Variants in WDFY2 observed in about 807,000 individuals in gnomAD.
WDFY2 encodes WD repeat and FYVE domain-containing protein 2.
In WDFY2, 36 loss-of-function variants were observed where a neutral mutation model predicts 56.4. The observed-to-expected ratio is 0.64, with a 90% CI of 0.49 to 0.84. WDFY2 has a LOEUF of 0.84. Ranked by LOEUF, WDFY2 falls within the 40% of genes least tolerant of loss-of-function variation. The probability of loss-of-function intolerance (pLI) is 0.00; values close to 1 mark genes in which losing one functional copy is unlikely to be tolerated. For missense variants in WDFY2, 444 were observed against 512.2 expected (o/e 0.87, Z 1.29); for synonymous variants, 176 against 183.7 (o/e 0.96, Z 0.34).
intron 2 of WDFY2, among the ~76,000 whole-genome samples, chr13:51,667,508 A>G (rs745832451): frequency 2.6e-5 from 4 of 152,124 alleles, no homozygotes; most frequent in Non-Finnish European, 5.9e-5. Flanking sequence ...ATGTGGGTAT[A>G]TTAGTGGTAT....
chr13:51,645,828 G>A (rs1466269805), intron 1 of WDFY2, among the ~76,000 whole-genome samples: 1 of 152,054 alleles, frequency 6.6e-6, no homozygotes, highest in Non-Finnish European at 1.5e-5. Context: ...ATATGCTGAT[G>A]TCTCCCAAAT....
At chr13:51,695,015 C>A (rs1213219003) in intron 3 of WDFY2, among the ~76,000 whole-genome samples, 1 of 152,200 alleles carries the variant, frequency 6.6e-6, no homozygotes, top group East Asian at 1.9e-4. Flanking sequence ...GTTCTCAAGC[C>A]TTGGCTTTCA....
At chr13:51,610,030 A>G (rs965472390) in intron 1 of WDFY2, among the ~76,000 whole-genome samples, 9 of 152,150 alleles carry the variant, frequency 5.9e-5, no homozygotes, top group African/African-American at 2.2e-4. Flanking sequence ...ACCCAAGTCC[A>G]GAGGGTAGCG....
At chr13:51,642,917 C>T (rs1307904479) in intron 1 of WDFY2, among the ~76,000 whole-genome samples, 1 of 152,012 alleles carries the variant, frequency 6.6e-6, no homozygotes, top group Non-Finnish European at 1.5e-5. Flanking sequence ...ACCTCGTGAT[C>T]CGCTCACCTT....
rs145485453 is a variant in WDFY2 at position 51,639,226 on chromosome 13, A to G, written c.138-21370A>G. ...TCAAGGAACATTGATGCACAATTCT[A>G]TAGAAGCTTATGGGAAAGGCTCAAT... On this transcript the variant is annotated intron_variant, in intron 1 of 11. Coordinates refer to ENST00000298125, the MANE Select transcript of WDFY2 (RefSeq NM_052950.4). 1.0e-3 allele frequency among the ~76,000 whole-genome samples: 153 copies of G among 152,338 alleles called. 1 individual carries two copies. Among genetic ancestry groups the G allele is most frequent in the Non-Finnish European group, 1.5e-3 (103 of 68,018 alleles).
At chr13:51,700,021 A>G (rs1951950442) in intron 3 of WDFY2, among the ~76,000 whole-genome samples, 1 of 152,254 alleles carries the variant, frequency 6.6e-6, no homozygotes, top group Non-Finnish European at 1.5e-5. Context: ...CTTCTGGAAA[A>G]TAGTGCTCTG....
rs548861711 is a variant in WDFY2, at chr13:51,763,046, A to G, written c.*3277A>G. ...GTTTTAATTATTTCCAGAAATCATAAAGTCACAAAACTGGAAGGGATCTTC... is the reference window on the plus strand; with the variant it reads ...GTTTTAATTATTTCCAGAAATCATAGAGTCACAAAACTGGAAGGGATCTTC... On this transcript the variant is annotated 3_prime_UTR_variant, in exon 12 of 12. Transcript: ENST00000298125. 12 of 152,336 alleles carry G rather than the reference A, an allele frequency of 7.9e-5. No homozygotes were observed. The South Asian group carries it at 2.1e-3, about 26-fold the overall frequency. 9.4% of individuals were successfully genotyped at this position (152,336 alleles called of 1,614,324 possible). A position where few individuals can be genotyped will look rare whatever the true frequency, so the allele number is the denominator to read the frequency against.
rs1189021521 is a variant in WDFY2 at position 51,762,614 on chromosome 13, A to T, written c.*2845A>T. The T allele has an allele frequency of 6.6e-6, 1 of 152,222 alleles. No individual in the cohort carries two copies. Among genetic ancestry groups the T allele is most frequent in the African/African-American group, 2.4e-5 (1 of 41,450 alleles). The allele number at this position is 152,222 out of a possible 1,614,324, so 9.4% of individuals were successfully genotyped here. ...TATGTGCTGGTGTTGGGTGTCTTCC[A>T]AGCATTTTATGGAAATGGAGGCTCC... On this transcript the variant is annotated 3_prime_UTR_variant, in exon 12 of 12. Transcript: ENST00000298125.
chr13:51,619,641 T>G (rs972841145), intron 1 of WDFY2, among the ~76,000 whole-genome samples: 1 of 152,198 alleles, frequency 6.6e-6, no homozygotes, highest in African/African-American at 2.4e-5. Context: ...AAATAAGTCC[T>G]GTTAAAAGAA....
chr13:51,584,692 C>T lies in WDFY2; in HGVS notation c.5C>T (p.Ala2Val), dbSNP rs1185702959. The T allele has an allele frequency of 6.8e-6, 11 of 1,610,948 alleles. No homozygotes were observed. Among genetic ancestry groups the T allele is most frequent in the East Asian group, 2.2e-5 (1 of 44,784 alleles). M[A>V]AEIQPKPLTR... ...CCAGGCGCGCCCCCTCCTCCGATGG[C>T]GGCGGAGATCCAGCCCAAGCCTCTG... is the stretch of plus-strand genomic sequence containing the variant. Residue 2 changes from alanine (A) to valine (V), a missense_variant, in exon 1 of 12, where the codon GCG becomes GTG. Physicochemically the swap from Ala to Val is moderately conservative, Grantham distance 64. Transcript: ENST00000298125.
chr13:51,651,718 G>A (rs989002092), intron 1 of WDFY2, among the ~76,000 whole-genome samples: 7 of 152,246 alleles, frequency 4.6e-5, no homozygotes, highest in African/African-American at 1.7e-4. Flanking sequence ...CCATGTAGTT[G>A]GGCAGTTTTG....
intron 7 of WDFY2, among the ~76,000 whole-genome samples, chr13:51,741,881 G>A (rs1391131315): frequency 6.6e-6 from 1 of 152,138 alleles, no homozygotes; most frequent in African/African-American, 2.4e-5. Context: ...CCTCAGTAAG[G>A]CACTGGGGAT....
chr13:51,727,633 C>G (rs576187658), intron 5 of WDFY2, 45 bp from the exon 6 acceptor site: 5 of 1,565,640 alleles, frequency 3.2e-6, no homozygotes, highest in Non-Finnish European at 4.4e-6. Context: ...ATTGTAAATT[C>G]CCTCATTTAA....
chr13:51,661,531 T>A (rs992532364), intron 2 of WDFY2, among the ~76,000 whole-genome samples: 1 of 152,224 alleles, frequency 6.6e-6, no homozygotes, highest in African/African-American at 2.4e-5. Context: ...GATATAAGTA[T>A]CCCAGTCTCA....
chr13:51,643,063 C>CT lies in WDFY2; in HGVS notation c.138-17525dup, dbSNP rs144860461. ...GAGAGAGAATCATTCTGCTATTTTC[C>CT]TTTTTTTTAAATTGTAAAATATATA... is the stretch of plus-strand genomic sequence containing the variant. On this transcript the variant is annotated intron_variant, in intron 1 of 11. Coordinates refer to ENST00000298125, the MANE Select transcript of WDFY2 (RefSeq NM_052950.4). Among the ~76,000 whole-genome samples, 436 of 151,992 alleles carry CT rather than the reference C, an allele frequency of 2.9e-3. 9 individuals carry two copies. The highest frequency in any genetic ancestry group is 1.0e-3 in the Admixed American group (16 of 15,246).
chr13:51,754,378 A>C (rs2138729454), intron 8 of WDFY2, among the ~76,000 whole-genome samples: 1 of 152,246 alleles, frequency 6.6e-6, no homozygotes, highest in South Asian at 2.1e-4. Context: ...CCATAAACCC[A>C]AGAGTGGGAT....
chr13:51,625,735 A>C (rs1427589691), intron 1 of WDFY2, among the ~76,000 whole-genome samples: 3 of 152,252 alleles, frequency 2.0e-5, no homozygotes, highest in Admixed American at 6.5e-5. Context: ...GAATTCAGCC[A>C]AGATTTAACC....
chr13:51,590,827 T>A (rs1290332612), intron 1 of WDFY2: 1 of 152,148 alleles, frequency 6.6e-6, no homozygotes, highest in Non-Finnish European at 1.5e-5. Flanking sequence ...TTAAAAAAAT[T>A]TTTTGTATTT....
chr13:51,635,631 C>T lies in WDFY2; in HGVS notation c.138-24965C>T, dbSNP rs529494718. On this transcript the variant is annotated intron_variant, in intron 1 of 11. Coordinates refer to ENST00000298125, the MANE Select transcript of WDFY2 (RefSeq NM_052950.4). ...GGCTTAGGCTTTCGAGTCAAACTCC[C>T]GGGAGGAACTCCTGGTTCTTCTTCC... Among the ~76,000 whole-genome samples, 11 of 152,276 alleles carry T rather than the reference C, an allele frequency of 7.2e-5. No individual in the cohort carries two copies. In the East Asian group the frequency reaches 9.6e-4, roughly 13 times the overall value.
Sources: allele counts gnomAD v4.1 joint callset (sites outside exome capture counted in the v4.1 genomes callset), GRCh38; gene constraint gnomAD v4.1.1; transcripts MANE v1.5; gene names NCBI Gene and HGNC (gene_info 2026-07-23, HGNC 2026-07-21).